H3-3A: variants seen among roughly 807,000 people sequenced by gnomAD.
The protein encoded by H3-3A is histone H3.3.
For missense variants in H3-3A, 7 were observed against 184.0 expected (o/e 0.04, Z 5.57); for synonymous variants, 49 against 61.4 (o/e 0.80, Z 0.95).
At position 226,069,022 on chromosome 1, in the gene H3-3A, A is replaced by G. The variant is rs1558102576; in HGVS notation, c.283-2329A>G. ...TAGAAGAGTAGTGATAGGGCTAAAA[A>G]GGATGAAGCTAGAAATGTGAAAGTA... On this transcript the variant is annotated intron_variant, in intron 3 of 3. Coordinates refer to ENST00000366815, the MANE Select transcript of H3-3A (RefSeq NM_002107.7). Among the ~76,000 whole-genome samples the G allele has an allele frequency of 3.9e-5, 6 of 152,066 alleles. No individual in the cohort carries two copies. In the Middle Eastern group the frequency reaches 0.01, roughly 259 times the overall value.
chr1:226,067,926 A>G (rs539557307), intron 3 of H3-3A, among the ~76,000 whole-genome samples: 1 of 152,362 alleles, frequency 6.6e-6, no homozygotes, highest in African/African-American at 2.4e-5. Flanking sequence ...AGTTTGCCAT[A>G]GATAATCAAT....
chr1:226,068,609 TA>T (rs922848911), intron 3 of H3-3A, among the ~76,000 whole-genome samples: 1 of 152,220 alleles, frequency 6.6e-6, no homozygotes, highest in African/African-American at 2.4e-5. Flanking sequence ...AATCTCGGAA[TA>T]TTAAGGACTT....
At chr1:226,069,048 C>T (rs1389086418) in intron 3 of H3-3A, among the ~76,000 whole-genome samples, 1 of 133,706 alleles carries the variant, frequency 7.5e-6, no homozygotes, top group Non-Finnish European at 1.6e-5. Flanking sequence ...TGTGAAAGTA[C>T]CTTTTTTTTT....
chr1:226,070,490 A>G (rs1216901042), intron 3 of H3-3A, among the ~76,000 whole-genome samples: 1 of 139,206 alleles, frequency 7.2e-6, no homozygotes, highest in African/African-American at 2.7e-5. Context: ...TAAATAAGGA[A>G]CTGCCGGGCG....
intron 2 of H3-3A, 103 bp downstream of exon 2, chr1:226,064,582 C>G: frequency 1.3e-6 from 1 of 794,594 alleles, no homozygotes; most frequent in Non-Finnish European, 1.9e-6. Context: ...TTTAGAGAAA[C>G]TTTTTTTTTT....
intron 2 of H3-3A, 97 bp from the exon 3 acceptor site, chr1:226,065,559 A>AT: frequency 1.2e-6 from 1 of 855,050 alleles, no homozygotes; most frequent in South Asian, 2.2e-5. Flanking sequence ...TGGGTGGCTT[A>AT]TTTTTTGAAA....
rs905110022 is a variant in H3-3A at position 226,066,008 on chromosome 1, C to T, written c.282+199C>T. 1.1e-4 allele frequency: 69 copies of T among 604,254 alleles called. 2 individuals are homozygous for T. The South Asian group carries it at 1.4e-3, about 12-fold the overall frequency. 37.4% of individuals were successfully genotyped at this position (604,254 alleles called of 1,614,324 possible). On this transcript the variant is annotated intron_variant, in intron 3 of 3. Coordinates refer to ENST00000366815, the MANE Select transcript of H3-3A (RefSeq NM_002107.7). ...AAAATGGCAAAACCATAATTTGAAC[C>T]TATTTGACTCCAAGGCTTAGTGCAC... is the stretch of plus-strand genomic sequence containing the variant.
chr1:226,066,608 C>G (rs1359687499), intron 3 of H3-3A: 2 of 152,078 alleles, frequency 1.3e-5, no homozygotes, highest in Non-Finnish European at 2.9e-5. Flanking sequence ...CTTAAGTAAC[C>G]TATTTTATAT....
chr1:226,067,518 C>T (rs754521283), intron 3 of H3-3A, among the ~76,000 whole-genome samples: 1 of 152,106 alleles, frequency 6.6e-6, no homozygotes, highest in Non-Finnish European at 1.5e-5. Context: ...GTGGGTAGAT[C>T]ACCTGAGGTC....
At chr1:226,062,178 G>T (rs1384737488), upstream of H3-3A, 1 of 151,694 alleles carries the variant, frequency 6.6e-6, no homozygotes, top group African/African-American at 2.4e-5. Context: ...CGGCGACCCG[G>T]CCGACCGCGT....
intron 3 of H3-3A, among the ~76,000 whole-genome samples, chr1:226,070,459 G>C (rs1658073178): frequency 7.0e-6 from 1 of 141,922 alleles, no homozygotes; most frequent in Non-Finnish European, 1.5e-5. Context: ...GCAACAAAGA[G>C]AGACTCCGTC....
At chr1:226,069,674 A>G (rs562071321) in intron 3 of H3-3A, among the ~76,000 whole-genome samples, 2 of 152,174 alleles carry the variant, frequency 1.3e-5, no homozygotes, top group African/African-American at 2.4e-5. Flanking sequence ...TCTACTAAAA[A>G]TACAAAATTA....
chr1:226,065,596 C>G, intron 2 of H3-3A, 60 bp from the exon 3 acceptor site: 1 of 1,249,408 alleles, frequency 8.0e-7, no homozygotes, highest in Non-Finnish European at 1.1e-6. Flanking sequence ...TGAAGCTGCC[C>G]ACTTACCTTT....
At chr1:226,065,878 T>TG in intron 3 of H3-3A, 69 bp downstream of exon 3, 1 of 1,148,390 alleles carries the variant, frequency 8.7e-7, no homozygotes. Context: ...TCCAAATTGT[T>TG]GCATGTGCTT....
chr1:226,071,271 TTTTTG>T, intron 3 of H3-3A, 75 bp from the exon 4 acceptor site: 1 of 1,183,046 alleles, frequency 8.5e-7, no homozygotes, highest in African/African-American at 1.5e-5. Flanking sequence ...TTCAAAAACC[TTTTTG>T]TTTTAATTCG....
chr1:226,062,994 C>T (rs1033126641), intron 1 of H3-3A, among the ~76,000 whole-genome samples, 183 bp downstream of exon 1: 36 of 152,050 alleles, frequency 2.4e-4, no homozygotes, highest in African/African-American at 7.7e-4. Flanking sequence ...GCGGCTCCCC[C>T]GTCTCTCGCC....
intron 3 of H3-3A, among the ~76,000 whole-genome samples, chr1:226,068,039 G>A (rs1657983308): frequency 6.6e-6 from 1 of 152,178 alleles, no homozygotes; most frequent in African/African-American, 2.4e-5. Context: ...TGGTAAAGAG[G>A]CAGACGTTGA....
At chr1:226,068,681 A>G (rs936011288) in intron 3 of H3-3A, among the ~76,000 whole-genome samples, 1 of 152,206 alleles carries the variant, frequency 6.6e-6, no homozygotes, top group Non-Finnish European at 1.5e-5. Flanking sequence ...GAATAGAAAC[A>G]TTTTTTAAAA....
intron 1 of H3-3A, 66 bp from the exon 2 acceptor site, chr1:226,064,263 C>G (rs941699415): frequency 8.8e-6 from 10 of 1,134,312 alleles, no homozygotes; most frequent in Non-Finnish European, 1.0e-5. Flanking sequence ...AGGGGGTGAT[C>G]GTGGCAGGAA....
Sources: allele counts gnomAD v4.1 joint callset (sites outside exome capture counted in the v4.1 genomes callset), GRCh38; gene constraint gnomAD v4.1.1; transcripts MANE v1.5; gene names NCBI Gene and HGNC (gene_info 2026-07-23, HGNC 2026-07-21).